The following OR2C1 variants were observed in gnomAD, a reference collection of about 807,000 sequenced individuals.
The protein encoded by OR2C1 is olfactory receptor family 2 subfamily C member 1, also known as olfactory receptor 2C1.
For synonymous variants in OR2C1, 209 were observed against 167.3 expected (o/e 1.25, Z -1.92); for missense variants, 468 against 388.3 (o/e 1.21, Z -1.73).
chr16:3,324,469 T>C, the OR2C1 span, among the ~76,000 whole-genome samples: 8 of 152,268 alleles, frequency 5.3e-5, no homozygotes, highest in African/African-American at 1.2e-4. Context: ...GCAAAGGCCA[T>C]TGAGTTGAAG....
the OR2C1 span, among the ~76,000 whole-genome samples, chr16:3,328,678 T>A: frequency 8.5e-5 from 13 of 152,286 alleles, no homozygotes; most frequent in Non-Finnish European, 1.8e-4. Context: ...CTCCCTCTCC[T>A]TATCCCAACA....
chr16:3,352,857 T>G (rs1409746069), upstream of OR2C1, among the ~76,000 whole-genome samples: 1 of 151,274 alleles, frequency 6.6e-6, no homozygotes, highest in Non-Finnish European at 1.5e-5. Context: ...TTCTCCTGCC[T>G]CAGCCTCCTG....
chr16:3,348,621 G>T, the OR2C1 span, among the ~76,000 whole-genome samples: 2 of 152,164 alleles, frequency 1.3e-5, no homozygotes. Context: ...ACAGGACAGT[G>T]GGCCCCACTG....
chr16:3,325,380 A>G, the OR2C1 span, among the ~76,000 whole-genome samples: 1 of 150,564 alleles, frequency 6.6e-6, no homozygotes, highest in Admixed American at 6.6e-5. Context: ...TGGCTTCCCA[A>G]AGTGCTGGGA....
chr16:3,347,061 A>G, the OR2C1 span, among the ~76,000 whole-genome samples: 2 of 150,938 alleles, frequency 1.3e-5, no homozygotes, highest in African/African-American at 4.8e-5. Flanking sequence ...CCTGGCCAAC[A>G]TGATGAAACC....
chr16:3,325,930 CTTT>C, the OR2C1 span, among the ~76,000 whole-genome samples: 10 of 127,960 alleles, frequency 7.8e-5, no homozygotes, highest in East Asian at 8.9e-4. Flanking sequence ...CAAGTGCATT[CTTT>C]TTTTTTTTTT....
Position 3,356,534 on chromosome 16 carries a change from G to C in OR2C1, c.594G>C (p.Val198=). 1 of 1,614,138 alleles carries C rather than the reference G, an allele frequency of 6.2e-7. No individual in the cohort carries two copies. Among genetic ancestry groups the C allele is most frequent in the Non-Finnish European group, 8.5e-7 (1 of 1,180,032 alleles). ...ACGDTSLNQA[V]LNGVCTFFTA... is the part of the protein sequence containing the mutation. ...GCGACACAAGTCTCAACCAGGCTGT[G>C]CTCAATGGTGTCTGCACCTTCTTCA... The change falls in exon 1 of 1, where the codon GTG becomes GTC. Residue 198 remains valine, a synonymous_variant. Coordinates refer to ENST00000304936, the MANE Select transcript of OR2C1 (RefSeq NM_012368.3).
the OR2C1 span, among the ~76,000 whole-genome samples, chr16:3,338,176 A>G: frequency 6.6e-6 from 1 of 152,210 alleles, no homozygotes; most frequent in East Asian, 1.9e-4. Flanking sequence ...CTAAGCAATC[A>G]CTCTGATTTG....
At chr16:3,350,053 A>ATAT in the OR2C1 span, among the ~76,000 whole-genome samples, 1 of 94,142 alleles carries the variant, frequency 1.1e-5, no homozygotes, top group Admixed American at 1.5e-4. Context: ...GTAAAAGGGA[A>ATAT]TCTTTTTTTT....
the OR2C1 span, among the ~76,000 whole-genome samples, chr16:3,333,496 C>A: frequency 5.9e-5 from 9 of 151,810 alleles, no homozygotes; most frequent in Non-Finnish European, 1.0e-4. Flanking sequence ...CTACCGCGCC[C>A]GGCTAGTTTT....
chr16:3,330,421 T>TA, the OR2C1 span, among the ~76,000 whole-genome samples: 1 of 152,292 alleles, frequency 6.6e-6, no homozygotes, highest in African/African-American at 2.4e-5. Context: ...CGGCTGATTT[T>TA]AAGACTTTTT....
the OR2C1 span, among the ~76,000 whole-genome samples, chr16:3,342,769 C>T: frequency 6.6e-6 from 1 of 151,918 alleles, no homozygotes; most frequent in African/African-American, 2.4e-5. Context: ...CCCAGTTACT[C>T]GGGAGGCTGA....
At chr16:3,337,057 G>T in the OR2C1 span, among the ~76,000 whole-genome samples, 1 of 151,974 alleles carries the variant, frequency 6.6e-6, no homozygotes, top group East Asian at 1.9e-4. Context: ...GTTTCTCCAT[G>T]TTGGTCAGGC....
the OR2C1 span, among the ~76,000 whole-genome samples, chr16:3,340,787 A>C: frequency 6.6e-6 from 1 of 151,934 alleles, no homozygotes; most frequent in Non-Finnish European, 1.5e-5. Flanking sequence ...TATTTCTGGA[A>C]CCTCAATTCT....
the OR2C1 span, among the ~76,000 whole-genome samples, chr16:3,338,979 G>T: frequency 3.3e-5 from 5 of 152,106 alleles, no homozygotes; most frequent in Non-Finnish European, 7.4e-5. Context: ...CACCCTGAAA[G>T]AAATTCCTTA....
the OR2C1 span, among the ~76,000 whole-genome samples, chr16:3,349,288 G>C: frequency 6.6e-6 from 1 of 152,150 alleles, no homozygotes; most frequent in South Asian, 2.1e-4. Context: ...AGACTGAGTC[G>C]GTTCTTCAGG....
chr16:3,325,303 A>C, the OR2C1 span, among the ~76,000 whole-genome samples: 9 of 151,436 alleles, frequency 5.9e-5, no homozygotes, highest in African/African-American at 2.2e-4. Flanking sequence ...TTTTTAATAG[A>C]GATAGGGGTC....
upstream of OR2C1, among the ~76,000 whole-genome samples, chr16:3,351,226 CTTTTTTT>C (rs146153498): frequency 1.5e-4 from 2 of 13,272 alleles, no homozygotes; most frequent in Non-Finnish European, 2.2e-4. Context: ...TTTTCTTTTT[CTTTTTTT>C]TTTTTTTTTT....
At chr16:3,353,489 C>CA (rs58703245), upstream of OR2C1, among the ~76,000 whole-genome samples, 19,470 of 82,868 alleles carry the variant, frequency 0.23, 2,245 homozygotes, top group Non-Finnish European at 0.31. Context: ...GACTCCGTCT[C>CA]AAAAAAAAAA....
Sources: gnomAD v4.1 joint callset for allele counts (sites outside exome capture counted in the v4.1 genomes callset) on GRCh38, gnomAD v4.1.1 for gene constraint, MANE v1.5 for transcripts, NCBI Gene and HGNC (gene_info 2026-07-23, HGNC 2026-07-21) for gene names.